The following SCN1A variants were observed in gnomAD, a reference collection of about 807,000 sequenced individuals.
The protein encoded by SCN1A is sodium channel protein type 1 subunit alpha.
A neutral mutation model predicts 193.7 loss-of-function variants in SCN1A; 13 were observed. The ratio of observed to expected loss-of-function variants is 0.07; its 90% CI spans 0.04 to 0.11. SCN1A has a LOEUF of 0.11. SCN1A is among the 10% of genes least tolerant of loss of function. The pLI is 1.00. For synonymous variants in SCN1A, 781 were observed against 843.6 expected (o/e 0.93, Z 1.29); for missense variants, 1,432 against 2,451.1 (o/e 0.58, Z 8.78).
At chr2:166,105,306 TAACAGGGTTACC>T (rs966956478) in intron 2 of SCN1A, among the ~76,000 whole-genome samples, 1 of 152,234 alleles carries the variant, frequency 6.6e-6, no homozygotes, top group African/African-American at 2.4e-5. Flanking sequence ...ATTTGGTTAT[TAACAGGGTTACC>T]ACCAGGCCTG....
rs560223992 is a variant in SCN1A at position 166,102,636 on chromosome 2, T to C, written c.-142+24288A>G. Among the ~76,000 whole-genome samples the C allele has an allele frequency of 2.0e-5, 3 of 152,204 alleles. No individual in the cohort carries two copies. The South Asian group carries it at 6.2e-4, about 32-fold the overall frequency. On this transcript the variant is annotated intron_variant, in intron 2 of 28. Coordinates refer to ENST00000674923, the MANE Select transcript of SCN1A (RefSeq NM_001165963.4). ...AGTTCAGCCACTGTGGAAGGCAGTT[T>C]GAAGATTTCTCAGAATAAATGAAAA...
intron 14 of SCN1A, 29 bp from the exon 15 acceptor site, chr2:166,042,453 C>A: frequency 6.2e-7 from 1 of 1,610,086 alleles, no homozygotes; most frequent in Non-Finnish European, 8.5e-7. Flanking sequence ...ATGCATTAAA[C>A]AATTAATTTG....
intron 26 of SCN1A, among the ~76,000 whole-genome samples, chr2:165,996,614 T>A (rs112498314): frequency 6.4e-4 from 97 of 151,512 alleles, no homozygotes; most frequent in African/African-American, 2.3e-3. Context: ...ACTGGATGAG[T>A]TAGTGAGAGA....
At chr2:166,134,010 T>G (rs1691761141) in intron 1 of SCN1A, 1 of 152,184 alleles carries the variant, frequency 6.6e-6, no homozygotes, top group Non-Finnish European at 1.5e-5. Flanking sequence ...TAACATCTGC[T>G]GAGTATTGAT....
At chr2:166,009,683 T>A (rs1692145530) in intron 23 of SCN1A, 36 bp downstream of exon 23, 1 of 1,572,064 alleles carries the variant, frequency 6.4e-7, no homozygotes, top group Admixed American at 1.8e-5. Flanking sequence ...TAATTTTGGC[T>A]ATATACAATA....
chr2:166,082,761 A>G (rs1396895938), intron 2 of SCN1A, among the ~76,000 whole-genome samples: 1 of 152,230 alleles, frequency 6.6e-6, no homozygotes, highest in East Asian at 1.9e-4. Context: ...AAAGTTCAAT[A>G]TAGTTGTGCA....
chr2:166,119,175 C>T (rs1433219880), intron 2 of SCN1A, among the ~76,000 whole-genome samples: 1 of 152,138 alleles, frequency 6.6e-6, no homozygotes, highest in Non-Finnish European at 1.5e-5. Context: ...AGTACTGGTC[C>T]GTGGCCCAGG....
chr2:166,076,025 C>T (rs993941216), intron 3 of SCN1A, among the ~76,000 whole-genome samples: 1 of 151,686 alleles, frequency 6.6e-6, no homozygotes, highest in Non-Finnish European at 1.5e-5. Context: ...CAATCTATAG[C>T]ATCTTTTAAG....
chr2:166,000,930 A>AG (rs1690741973), intron 24 of SCN1A, among the ~76,000 whole-genome samples: 1 of 150,110 alleles, frequency 6.7e-6, no homozygotes, highest in Non-Finnish European at 1.5e-5. Context: ...TTTATTTAAT[A>AG]GCTTTGTGCA....
intron 11 of SCN1A, 78 bp downstream of exon 11, chr2:166,047,549 C>T (rs1697986744): frequency 6.7e-7 from 1 of 1,496,556 alleles, no homozygotes; most frequent in Admixed American, 1.7e-5. Context: ...ATATTATCAT[C>T]CGGTTTTAAT....
chr2:166,103,420 C>T lies in SCN1A; in HGVS notation c.-142+23504G>A, dbSNP rs183160590. Reference sequence around the variant, plus strand: ...GAGCCGAGTTCGCACCGCTGCACTCCAGCCTGGGTGACAAAGCAAGACTCT... The same window carrying T: ...GAGCCGAGTTCGCACCGCTGCACTCTAGCCTGGGTGACAAAGCAAGACTCT... On this transcript the variant is annotated intron_variant, in intron 2 of 28. Transcript: ENST00000674923. Among the ~76,000 whole-genome samples the T allele has an allele frequency of 4.4e-4, 66 of 151,550 alleles. 1 individual carries two copies. The East Asian group carries it at 0.011, about 26-fold the overall frequency.
chr2:166,143,005 T>G (rs1366232534), intron 1 of SCN1A, among the ~76,000 whole-genome samples: 1 of 152,192 alleles, frequency 6.6e-6, no homozygotes, highest in Non-Finnish European at 1.5e-5. Flanking sequence ...TAAACCTCTT[T>G]CCTTTATAAA....
intron 21 of SCN1A, among the ~76,000 whole-genome samples, chr2:166,013,448 A>G (rs1692816782): frequency 6.6e-6 from 1 of 151,568 alleles, no homozygotes; most frequent in African/African-American, 2.4e-5. Context: ...TAATTAAACA[A>G]TGAGTAATTG....
Position 165,987,725 on chromosome 2 carries a change from A to G in SCN1A, c.*3520T>C, listed in dbSNP as rs1328717992. On this transcript the variant is annotated 3_prime_UTR_variant, in exon 29 of 29. Coordinates refer to ENST00000674923, the MANE Select transcript of SCN1A (RefSeq NM_001165963.4). ...TGACCTCATCATTCTTTGAAGAATAATTACTTTTTAGCACAGAAAATATCA... is the reference window on the plus strand; with the variant it reads ...TGACCTCATCATTCTTTGAAGAATAGTTACTTTTTAGCACAGAAAATATCA... The G allele has an allele frequency of 1.3e-5, 2 of 152,174 alleles. No individual in the cohort carries two copies. Among genetic ancestry groups the G allele is most frequent in the Non-Finnish European group, 2.9e-5 (2 of 68,036 alleles). The allele number at this position is 152,174 out of a possible 1,614,324, so 9.4% of individuals were successfully genotyped here.
At chr2:166,013,711 A>G (rs76743139) in intron 21 of SCN1A, 33 bp downstream of exon 21, 1 of 1,600,268 alleles carries the variant, frequency 6.2e-7, no homozygotes, top group African/African-American at 1.3e-5. Context: ...TCTAAAAATT[A>G]GTGCTGTATC....
chr2:166,035,949 A>T, intron 19 of SCN1A, 99 bp downstream of exon 19: 2 of 1,180,510 alleles, frequency 1.7e-6, no homozygotes, highest in Non-Finnish European at 2.4e-6. Context: ...AAAAAAAAAA[A>T]TCTTAAGTCA....
intron 12 of SCN1A, among the ~76,000 whole-genome samples, chr2:166,045,568 C>T (rs559662969): frequency 6.6e-6 from 1 of 152,214 alleles, no homozygotes; most frequent in South Asian, 2.1e-4. Context: ...TAATGCTCCA[C>T]AGACCACGTA....
intron 2 of SCN1A, among the ~76,000 whole-genome samples, chr2:166,103,796 TTGG>T (rs1354688153): frequency 3.3e-5 from 5 of 152,180 alleles, no homozygotes; most frequent in African/African-American, 1.2e-4. Flanking sequence ...GCATTATGTA[TTGG>T]TGAACATAAC....
intron 2 of SCN1A, among the ~76,000 whole-genome samples, chr2:166,107,926 T>C (rs1688867994): frequency 6.6e-6 from 1 of 152,116 alleles, no homozygotes; most frequent in Non-Finnish European, 1.5e-5. Context: ...AATGCATAAG[T>C]GGTCAAAAGA....
Sources: gnomAD v4.1 joint callset for allele counts (sites outside exome capture counted in the v4.1 genomes callset) on GRCh38, gnomAD v4.1.1 for gene constraint, MANE v1.5 for transcripts, NCBI Gene and HGNC (gene_info 2026-07-23, HGNC 2026-07-21) for gene names.